The following YDJC variants were observed in gnomAD, a reference collection of about 807,000 sequenced individuals.
YDJC encodes the protein carbohydrate deacetylase.
YDJC carries 23 observed loss-of-function variants against 18.9 expected under a neutral mutation model. That is an observed-to-expected ratio of 1.22 (90% CI 0.87 to 1.72). The LOEUF (loss-of-function observed/expected upper bound fraction) is 1.72, where lower values mean the gene tolerates loss of function less well. YDJC is among the 40% of genes most tolerant of loss of function. The probability of loss-of-function intolerance (pLI) is 0.00; values close to 1 mark genes in which losing one functional copy is unlikely to be tolerated. For missense variants in YDJC, 467 were observed against 470.8 expected (o/e 0.99, Z 0.07); for synonymous variants, 224 against 217.6 (o/e 1.03, Z -0.26).
intron 4 of YDJC, 86 bp from the exon 5 acceptor site, chr22:21,628,873 A>AGGGGGGGGTGGGTGGGGGGGGGGGGG: frequency 2.7e-6 from 1 of 377,302 alleles, no homozygotes; most frequent in Non-Finnish European, 4.3e-6. Flanking sequence ...GCGGGGTGGG[A>AGGGGGGGGTGGGTGGGGGGGGGGGGG]GGGGGTAACT....
rs755716251 is a variant in YDJC, at chr22:21,629,105, G to A, written c.507C>T (p.Gly169=). ...GCGCGGGGGCCTCCAGCCAAGTGCAGCCACCCACACCGCGCTCCAGCGGCA... is the reference window on the plus strand; with the variant it reads ...GCGCGGGGGCCTCCAGCCAAGTGCAACCACCCACACCGCGCTCCAGCGGCA... The part of the protein sequence containing the change: ...TRLPLERGVG[G]CTWLEAPARA... Residue 169 remains glycine (G), a synonymous_variant, in exon 4 of 5, where the codon GGC becomes GGT. Transcript: ENST00000292778. 4.6e-6 allele frequency: 7 copies of A among 1,537,192 alleles called. No homozygotes were observed. Among genetic ancestry groups the A allele is most frequent in the Non-Finnish European group, 6.1e-6 (7 of 1,146,176 alleles).
At chr22:21,629,497 G>C in intron 2 of YDJC, 90 bp from the exon 3 acceptor site, 1 of 1,567,214 alleles carries the variant, frequency 6.4e-7, no homozygotes, top group Non-Finnish European at 8.7e-7. Flanking sequence ...TCCAGTGTTT[G>C]AATGCGGAAG....
chr22:21,628,581 C>T lies in YDJC; in HGVS notation c.809G>A (p.Arg270Gln), dbSNP rs375026262. ...GPDAFSCSWE[R>Q]LHELRVLTAP... ...GGTGAGGACGCGCAGCTCATGCAGC[C>T]GCTCCCAAGAGCAAGAGAAAGCGTC... is the stretch of plus-strand genomic sequence containing the variant. The change falls in exon 5 of 5, where the codon CGG becomes CAG. Residue 270 changes from arginine to glutamine, a missense_variant. Physicochemically the swap from Arg to Gln is conservative, Grantham distance 43 (BLOSUM62 1). Transcript: ENST00000292778. 6.8e-6 allele frequency: 11 copies of T among 1,608,266 alleles called. No individual in the cohort carries two copies. The highest frequency in any genetic ancestry group is 3.4e-5 in the Admixed American group (2 of 59,590).
chr22:21,628,416 G>C lies in YDJC; in HGVS notation c.*2C>G. ...GATTAGTGCTTGGTTGTCTGTAGGG[G>C]GTCAGAGTAGGGAGGGTTCCAGGAA... On this transcript the variant is annotated 3_prime_UTR_variant, in exon 5 of 5. Coordinates refer to ENST00000292778, the MANE Select transcript of YDJC (RefSeq NM_001017964.2). 6 of 1,536,002 alleles carry C rather than the reference G, an allele frequency of 3.9e-6. No individual in the cohort carries two copies. Among genetic ancestry groups the C allele is most frequent in the Non-Finnish European group, 5.3e-6 (6 of 1,137,626 alleles).
At position 21,628,305 on chromosome 22, in the gene YDJC, C is replaced by A; in HGVS notation, c.*113G>T. On this transcript the variant is annotated 3_prime_UTR_variant, in exon 5 of 5. Transcript: ENST00000292778. Reference sequence around the variant, plus strand: ...AGCCCAGAGGTGGCAGTGTCCTACCCAGGGAAGTCAACAGATCGTGCTCCA... The same window carrying A: ...AGCCCAGAGGTGGCAGTGTCCTACCAAGGGAAGTCAACAGATCGTGCTCCA... 7.1e-7 allele frequency: 1 copy of A among 1,398,956 alleles called. No homozygotes were observed. Among genetic ancestry groups the A allele is most frequent in the Non-Finnish European group, 9.5e-7 (1 of 1,054,814 alleles). The allele number at this position is 1,398,956 out of a possible 1,614,324, so 86.7% of individuals were successfully genotyped here.
Position 21,629,414 on chromosome 22 carries a change from GGCGA to G in YDJC, c.325-11_325-8del. On this transcript the variant is annotated splice_polypyrimidine_tract_variant and splice_region_variant and intron_variant, in intron 2 of 4. Transcript: ENST00000292778. ...CCTCGAGCTCCTCCCGCACCTAGAG[GGCGA>G]GCGAGAGACACCTTGAGCGACCGGG... 1 of 1,546,396 alleles carries G rather than the reference GGCGA, an allele frequency of 6.5e-7. No individual in the cohort carries two copies. Among genetic ancestry groups the G allele is most frequent in the South Asian group, 1.2e-5 (1 of 83,988 alleles).
chr22:21,628,364 C>A lies in YDJC; in HGVS notation c.*54G>T. On this transcript the variant is annotated 3_prime_UTR_variant, in exon 5 of 5. Coordinates refer to ENST00000292778, the MANE Select transcript of YDJC (RefSeq NM_001017964.2). ...CTCTGGGCTGGGCCAGGACTAAATC[C>A]TGGCTCCCCTTTCTTGGTACTAAGG... 6.8e-7 allele frequency: 1 copy of A among 1,479,212 alleles called. No individual in the cohort carries two copies. The highest frequency in any genetic ancestry group is 9.0e-7 in the Non-Finnish European group (1 of 1,109,956). The allele number at this position is 1,479,212 out of a possible 1,614,324, so 91.6% of individuals were successfully genotyped here.
chr22:21,629,826 G>C (rs746979196), intron 1 of YDJC, 25 bp downstream of exon 1: 2 of 1,507,290 alleles, frequency 1.3e-6, no homozygotes, highest in South Asian at 2.5e-5. Context: ...GCCGATCGCC[G>C]CCCTGCTAGA....
intron 2 of YDJC, 62 bp downstream of exon 2, chr22:21,629,540 T>C: frequency 6.2e-7 from 1 of 1,608,190 alleles, no homozygotes; most frequent in Non-Finnish European, 8.5e-7. Flanking sequence ...GGCCTCACAG[T>C]ACCCTCCGGG....
rs1257032268 is a variant in YDJC, at chr22:21,628,361, ATCCTGGCTCCCCTT to A, written c.*43_*56del. ...CAGCTCTGGGCTGGGCCAGGACTAA[ATCCTGGCTCCCCTT>A]TCTTGGTACTAAGGGGATTAGTGCT... On this transcript the variant is annotated 3_prime_UTR_variant, in exon 5 of 5. Coordinates refer to ENST00000292778, the MANE Select transcript of YDJC (RefSeq NM_001017964.2). 2 of 1,479,860 alleles carry A rather than the reference ATCCTGGCTCCCCTT, an allele frequency of 1.4e-6. No individual in the cohort carries two copies. The highest frequency in any genetic ancestry group is 2.9e-5 in the African/African-American group (2 of 70,010). The allele number at this position is 1,479,860 out of a possible 1,614,324, so 91.7% of individuals were successfully genotyped here.
At chr22:21,628,922 G>C in intron 4 of YDJC, 88 bp downstream of exon 4, 2 of 1,428,642 alleles carry the variant, frequency 1.4e-6, no homozygotes, top group Non-Finnish European at 1.8e-6. Flanking sequence ...TCGCTTCCGG[G>C]TTGAGAAACG....
In YDJC at chr22:21,629,051, G is replaced by GT; in HGVS notation, c.560dup (p.Asp187GlufsTer73). On this transcript the variant is annotated frameshift_variant, in exon 4 of 5. Coordinates refer to ENST00000292778, the MANE Select transcript of YDJC (RefSeq NM_001017964.2). LOFTEE classifies it low-confidence loss of function (END_TRUNC). ...AGAAGGGGCCCACGGCGGCCCGGGC[G>GT]TCGCGCTCCACGGCGCAGGCGAAGG... 6.6e-7 allele frequency: 1 copy of GT among 1,513,518 alleles called. No homozygotes were observed. Among genetic ancestry groups the GT allele is most frequent in the Non-Finnish European group, 8.8e-7 (1 of 1,137,346 alleles). The allele number at this position is 1,513,518 out of a possible 1,614,324, so 93.8% of individuals were successfully genotyped here.
rs764811810 is a variant in YDJC, at chr22:21,629,714, G to A, written c.212C>T (p.Pro71Leu). 5.1e-6 allele frequency: 8 copies of A among 1,582,082 alleles called. No individual in the cohort carries two copies. The East Asian group carries it at 1.4e-4, about 27-fold the overall frequency. ...GGCGCCACGGCGGGCCGGACCCACG[G>A]GGCGGCCCTCGGACAGGTTGGCGTG... ...GLHANLSEGR[P>L]VGPARRGASS... Residue 71 changes from proline to leucine, a missense_variant, in exon 2 of 5, where the codon CCC (proline) becomes CTC (leucine). By Grantham distance (98) the Pro-to-Leu change is moderately conservative (BLOSUM62 -3). Coordinates refer to ENST00000292778, the MANE Select transcript of YDJC (RefSeq NM_001017964.2).
In YDJC at chr22:21,629,834, A is replaced by C. The variant is rs1930427138; in HGVS notation, c.164+17T>G. On this transcript the variant is annotated intron_variant, in intron 1 of 4. Coordinates refer to ENST00000292778, the MANE Select transcript of YDJC (RefSeq NM_001017964.2). ...GCCCCAAGCCGATCGCCGCCCTGCTAGAGGCCCTCCCCTCACCTGCGGGCC... is the reference window on the plus strand; with the variant it reads ...GCCCCAAGCCGATCGCCGCCCTGCTCGAGGCCCTCCCCTCACCTGCGGGCC... 2 of 1,526,106 alleles carry C rather than the reference A, an allele frequency of 1.3e-6. No homozygotes were observed. The highest frequency in any genetic ancestry group is 1.8e-6 in the Non-Finnish European group (2 of 1,140,840). The allele number at this position is 1,526,106 out of a possible 1,614,324, so 94.5% of individuals were successfully genotyped here. A position where few individuals can be genotyped will look rare whatever the true frequency, so the allele number is the denominator to read the frequency against.
In YDJC at chr22:21,629,547, CG is replaced by C. The variant is rs767968424; in HGVS notation, c.324+54del. On this transcript the variant is annotated intron_variant, in intron 2 of 4. Transcript: ENST00000292778. ...CTCCTAACGGCCTCACAGTACCCTC[CG>C]GGCGGAGCTCTGGGGGTCCTCGCGA... 1.9e-6 allele frequency: 3 copies of C among 1,610,192 alleles called. No homozygotes were observed. The African/African-American group carries it at 4.0e-5, about 21-fold the overall frequency.
In YDJC at chr22:21,629,001, G is replaced by A. The variant is rs546839783; in HGVS notation, c.602+9C>T. On this transcript the variant is annotated intron_variant, in intron 4 of 4. Coordinates refer to ENST00000292778, the MANE Select transcript of YDJC (RefSeq NM_001017964.2). ...CAGCTATGGTAGGAGACGGGGCGGG[G>A]AGCCTCACCGCAGGCCGTGGCGGGA... is the stretch of plus-strand genomic sequence containing the variant. The A allele has an allele frequency of 1.2e-5, 17 of 1,459,722 alleles. No homozygotes were observed. The highest frequency in any genetic ancestry group is 7.2e-5 in the African/African-American group (5 of 69,338). 90.4% of individuals were successfully genotyped at this position (1,459,722 alleles called of 1,614,324 possible). A position where few individuals can be genotyped will look rare whatever the true frequency, so the allele number is the denominator to read the frequency against.
Position 21,628,658 on chromosome 22 carries a change from C to T in YDJC, c.732G>A (p.Ala244=). The change falls in exon 5 of 5, where the codon GCG becomes GCA. Residue 244 remains alanine, a synonymous_variant. Coordinates refer to ENST00000292778, the MANE Select transcript of YDJC (RefSeq NM_001017964.2). The part of the protein sequence containing the change: ...AGHTLTAELM[A]HPGYPSVPPT... ...GAGGCACACTGGGGTAGCCGGGGTG[C>T]GCCATCAGCTCGGCTGTCAGGGTGT... 1.3e-6 allele frequency: 2 copies of T among 1,576,774 alleles called. No individual in the cohort carries two copies. The highest frequency in any genetic ancestry group is 1.7e-6 in the Non-Finnish European group (2 of 1,163,480).
chr22:21,629,529 C>T (rs1930402449), intron 2 of YDJC, 73 bp downstream of exon 2: 1 of 1,602,370 alleles, frequency 6.2e-7, no homozygotes, highest in African/African-American at 1.3e-5. Context: ...CAGCTCCTAA[C>T]GGCCTCACAG....
Position 21,629,777 on chromosome 22 carries a change from G to C in YDJC, c.165-16C>G, listed in dbSNP as rs749411301. On this transcript the variant is annotated splice_polypyrimidine_tract_variant and intron_variant, in intron 1 of 4. Transcript: ENST00000292778. ...GATGCTGTGCCTGAGGGCGGAGCGC[G>C]AGCTGGAGCACTAGCGGCCGCGGAG... is the stretch of plus-strand genomic sequence containing the variant. The C allele has an allele frequency of 1.5e-4, 224 of 1,472,568 alleles. No homozygotes were observed. Among genetic ancestry groups the C allele is most frequent in the Non-Finnish European group, 1.1e-4 (128 of 1,115,350 alleles). The allele number at this position is 1,472,568 out of a possible 1,614,324, so 91.2% of individuals were successfully genotyped here.
Sources: allele counts gnomAD v4.1 joint callset, GRCh38; gene constraint gnomAD v4.1.1; transcripts MANE v1.5; gene names NCBI Gene and HGNC (gene_info 2026-07-23, HGNC 2026-07-21).